SOCS2: variants seen among roughly 807,000 people sequenced by gnomAD.
The protein encoded by SOCS2 is suppressor of cytokine signaling 2.
Under a neutral mutation model 18.6 loss-of-function variants are expected in SOCS2, and 10 were observed. That is an observed-to-expected ratio of 0.54 (90% CI 0.33 to 0.91). The LOEUF is 0.91. Ranked by LOEUF, SOCS2 falls within the 40% of genes least tolerant of loss-of-function variation. The pLI is 0.02. For missense variants in SOCS2, 231 were observed against 247.2 expected, an observed-to-expected ratio of 0.93 and a Z score of 0.44; for synonymous variants, 104 against 104.0, an observed-to-expected ratio of 1.00 and a Z score of 0.00.
chr12:93,613,448 A>AAACAG, the SOCS2 span, among the ~76,000 whole-genome samples: 5 of 152,186 alleles, frequency 3.3e-5, no homozygotes, highest in Non-Finnish European at 5.9e-5. Context: ...ACAAGCAAAA[A>AAACAG]AACAGATTCA....
chr12:93,584,148 C>G (rs1459295250), downstream of SOCS2, among the ~76,000 whole-genome samples: 1 of 152,136 alleles, frequency 6.6e-6, no homozygotes, highest in Non-Finnish European at 1.5e-5. Context: ...GACAGGGAGA[C>G]AGAACAATAG....
the SOCS2 span, among the ~76,000 whole-genome samples, chr12:93,611,951 C>CT: frequency 6.6e-6 from 1 of 151,914 alleles, no homozygotes; most frequent in Admixed American, 6.6e-5. Context: ...CAGAGAACTG[C>CT]TTTTTTTGTT....
upstream of SOCS2, chr12:93,571,960 A>G (rs1954271700): frequency 3.1e-6 from 1 of 325,874 alleles, no homozygotes; most frequent in Non-Finnish European, 6.2e-6. Context: ...AGCGCTCGCG[A>G]CCGCCCGCTC....
At chr12:93,605,796 T>G in the SOCS2 span, among the ~76,000 whole-genome samples, 1 of 152,200 alleles carries the variant, frequency 6.6e-6, no homozygotes, top group African/African-American at 2.4e-5. Flanking sequence ...CTGACACTCT[T>G]CTGAGGGGCA....
At chr12:93,570,409 G>A (rs1954201348), upstream of SOCS2, 1 of 152,300 alleles carries the variant, frequency 6.6e-6, no homozygotes, top group Non-Finnish European at 1.5e-5. Context: ...ACCTGATCAA[G>A]GGGACCGCCT....
chr12:93,572,088 AC>A (rs1954277040), upstream of SOCS2: 1 of 175,022 alleles, frequency 5.7e-6, no homozygotes, highest in Non-Finnish European at 1.2e-5. The surrounding 1 kb of genome is among the most constrained non-coding windows in gnomAD (Gnocchi z 5.0). Context: ...CCGCCGCGGC[AC>A]CCCCAACCCC....
the SOCS2 span, among the ~76,000 whole-genome samples, chr12:93,618,445 T>C: frequency 6.6e-6 from 1 of 152,102 alleles, no homozygotes; most frequent in Non-Finnish European, 1.5e-5. Context: ...AAAGTCCAAA[T>C]CCTTCTCCAT....
the SOCS2 span, among the ~76,000 whole-genome samples, chr12:93,626,012 C>G: frequency 6.6e-6 from 1 of 152,138 alleles, no homozygotes; most frequent in Non-Finnish European, 1.5e-5. Flanking sequence ...AAAGCAACAA[C>G]AGAAGCAATT....
Position 93,575,046 on chromosome 12 carries a change from C to G in SOCS2, c.464C>G (p.Pro155Arg). Residue 155 changes from proline to arginine, a missense_variant, in exon 2 of 2, where the codon CCG becomes CGG. By Grantham distance (103) the Pro-to-Arg change is moderately radical. Around this residue, in one of 3 missense-constraint regions of SOCS2, gnomAD observed 122 missense variants for 127.2 expected, o/e 0.96. Transcript: ENST00000551556. ...ACTGTTCACCTTTATCTGACCAAACCGCTCTACACGTCAGCACCATCTCTG... is the reference window on the plus strand; with the variant it reads ...ACTGTTCACCTTTATCTGACCAAACGGCTCTACACGTCAGCACCATCTCTG... The part of the protein sequence containing the change: ...NGTVHLYLTK[P>R]LYTSAPSLQH... 1 of 1,613,446 alleles carries G rather than the reference C, an allele frequency of 6.2e-7. No individual in the cohort carries two copies.
chr12:93,616,585 C>T, the SOCS2 span, among the ~76,000 whole-genome samples: 1 of 152,178 alleles, frequency 6.6e-6, no homozygotes, highest in Non-Finnish European at 1.5e-5. Flanking sequence ...CAAACCACAT[C>T]GGGCATTCCT....
upstream of SOCS2, chr12:93,571,889 C>T (rs779749187): frequency 1.1e-4 from 45 of 420,344 alleles, no homozygotes; most frequent in East Asian, 3.7e-3. Flanking sequence ...GCGGAGGCGG[C>T]GGCGGCGGCC....
At chr12:93,616,147 C>T in the SOCS2 span, among the ~76,000 whole-genome samples, 1 of 152,322 alleles carries the variant, frequency 6.6e-6, no homozygotes, top group African/African-American at 2.4e-5. Context: ...TAGGCCTCTT[C>T]AATCAGAGCA....
chr12:93,601,624 T>A, the SOCS2 span, among the ~76,000 whole-genome samples: 27 of 152,324 alleles, frequency 1.8e-4, no homozygotes, highest in East Asian at 4.8e-3. Context: ...CTGGATTTTT[T>A]AAATGTATTT....
At chr12:93,573,173 G>T in intron 1 of SOCS2, 137 bp downstream of exon 1, 1 of 1,151,668 alleles carries the variant, frequency 8.7e-7, no homozygotes, top group Non-Finnish European at 1.2e-6. Flanking sequence ...CGGAGAGCAC[G>T]CTCGCAGGGT....
chr12:93,613,037 A>G, the SOCS2 span, among the ~76,000 whole-genome samples: 1 of 152,220 alleles, frequency 6.6e-6, no homozygotes, highest in African/African-American at 2.4e-5. Flanking sequence ...AAACAGCTAA[A>G]TTAGTTTAGA....
At chr12:93,609,573 A>C in the SOCS2 span, among the ~76,000 whole-genome samples, 3 of 151,878 alleles carry the variant, frequency 2.0e-5, no homozygotes, top group African/African-American at 7.3e-5. Context: ...ACTTTAATTT[A>C]TTACCTTTAT....
intron 1 of SOCS2, chr12:93,573,263 T>G: frequency 1.7e-6 from 1 of 603,130 alleles, no homozygotes; most frequent in Non-Finnish European, 2.9e-6. Context: ...GGGAAGAGCT[T>G]CTTGGAAATA....
At position 93,575,107 on chromosome 12, in the gene SOCS2, C is replaced by T. The variant is rs764124383; in HGVS notation, c.525C>T (p.Thr175=). 3.1e-6 allele frequency: 5 copies of T among 1,608,810 alleles called. No individual in the cohort carries two copies. Among genetic ancestry groups the T allele is most frequent in the African/African-American group, 2.7e-5 (2 of 74,728 alleles). ...GTAGGCTCACCATTAACAAATGTAC[C>T]GGTGCCATCTGGGGACTGCCTTTAC... The part of the protein sequence containing the change: ...HLCRLTINKC[T]GAIWGLPLPT... Residue 175 remains threonine (T), a synonymous_variant, in exon 2 of 2, where the codon ACC becomes ACT. Transcript: ENST00000551556.
chr12:93,609,361 C>T, the SOCS2 span, among the ~76,000 whole-genome samples: 1 of 152,122 alleles, frequency 6.6e-6, no homozygotes, highest in Non-Finnish European at 1.5e-5. Context: ...CATCACACTC[C>T]AGCCTGGGCA....
Sources: allele counts gnomAD v4.1 joint callset (sites outside exome capture counted in the v4.1 genomes callset), GRCh38; gene constraint gnomAD v4.1.1; regional missense constraint gnomAD v4.1.1; non-coding constraint Gnocchi (gnomAD v3.1); transcripts MANE v1.5; gene names NCBI Gene and HGNC (gene_info 2026-07-23, HGNC 2026-07-21).